The following STK40 variants were observed in gnomAD, a reference collection of about 807,000 sequenced individuals.
The protein encoded by STK40 is serine/threonine kinase 40, also known as serine/threonine-protein kinase 40.
STK40 carries 13 observed loss-of-function variants against 47.9 expected under a neutral mutation model. The ratio of observed to expected loss-of-function variants is 0.27; its 90% CI spans 0.18 to 0.43. The LOEUF (loss-of-function observed/expected upper bound fraction) is 0.43, where lower values mean the gene tolerates loss of function less well. Ranked by LOEUF, STK40 falls within the 20% of genes least tolerant of loss-of-function variation. STK40 has a pLI of 1.00. For synonymous variants in STK40, 225 were observed against 243.2 expected (o/e 0.93, Z 0.69); for missense variants, 460 against 595.1 (o/e 0.77, Z 2.36).
chr1:36,383,582 GTCC>G (rs1647059163), intron 1 of STK40, among the ~76,000 whole-genome samples: 2 of 152,196 alleles, frequency 1.3e-5, no homozygotes, highest in Non-Finnish European at 2.9e-5. Context: ...AGTCGCTCCT[GTCC>G]TCCTCCTTCC....
intron 2 of STK40, among the ~76,000 whole-genome samples, chr1:36,360,040 T>G (rs1041146521): frequency 6.6e-6 from 1 of 152,164 alleles, no homozygotes. Flanking sequence ...TCATCTCACG[T>G]CATCGTGGAA....
intron 1 of STK40, among the ~76,000 whole-genome samples, chr1:36,371,218 T>C (rs572980785): frequency 3.4e-5 from 5 of 147,692 alleles, no homozygotes; most frequent in Non-Finnish European, 7.5e-5. Context: ...TAATACCTAA[T>C]GCAACGGAAA....
intron 6 of STK40, among the ~76,000 whole-genome samples, chr1:36,353,901 G>A (rs1042651695): frequency 1.3e-5 from 2 of 152,098 alleles, no homozygotes; most frequent in African/African-American, 2.4e-5. Context: ...CATTTTGCTC[G>A]TTCCTTCACC....
At chr1:36,345,991 A>ATATATATATATATATATATATTTTTTTT in intron 7 of STK40, among the ~76,000 whole-genome samples, 1 of 26,468 alleles carries the variant, frequency 3.8e-5, no homozygotes, top group African/African-American at 1.4e-4. Flanking sequence ...ATATATATAT[A>ATATATATATATATATATATATTTTTTTT]TTTTTTTTTT....
At chr1:36,361,699 G>C (rs1236701556) in intron 1 of STK40, among the ~76,000 whole-genome samples, 5 of 152,034 alleles carry the variant, frequency 3.3e-5, no homozygotes, top group Non-Finnish European at 7.4e-5. Context: ...AGACAGAGAG[G>C]AGAGCCAGCC....
rs774219320 is a variant in STK40, at chr1:36,344,257, C to T, written c.747G>A (p.Pro249=). 8 of 1,602,878 alleles carry T rather than the reference C, an allele frequency of 5.0e-6. No individual in the cohort carries two copies. The highest frequency in any genetic ancestry group is 3.4e-5 in the South Asian group (3 of 89,486). ...YISPDVLSGR[P]YRGKPSDMWA... is the part of the protein sequence containing the mutation. ...ACATGTCACTGGGCTTGCCACGGTA[C>T]GGCCGGCCTACGGGCACACACATAC... The change falls in exon 8 of 11, where the codon CCG becomes CCA. Residue 249 remains proline (P), a synonymous_variant. Coordinates refer to ENST00000373132, the MANE Select transcript of STK40 (RefSeq NM_001282547.2).
chr1:36,361,117 G>T, intron 2 of STK40, 104 bp downstream of exon 2: 1 of 1,341,122 alleles, frequency 7.5e-7, no homozygotes, highest in Non-Finnish European at 1.0e-6. Context: ...CACTGCTGTG[G>T]GTGGGCCACC....
intron 1 of STK40, among the ~76,000 whole-genome samples, chr1:36,381,568 A>T (rs1647039698): frequency 6.6e-6 from 1 of 152,054 alleles, no homozygotes; most frequent in Admixed American, 6.5e-5. Context: ...GGGAGTTGGG[A>T]ACTCCCAGGT....
At chr1:36,345,086 C>T (rs1467026462) in intron 7 of STK40, among the ~76,000 whole-genome samples, 1 of 152,234 alleles carries the variant, frequency 6.6e-6, no homozygotes, top group Non-Finnish European at 1.5e-5. Flanking sequence ...GCAATACAGC[C>T]ATTGTCTGAC....
At position 36,361,150 on chromosome 1, in the gene STK40, G is replaced by C. The variant is rs893464777; in HGVS notation, c.112+71C>G. 31 of 1,575,746 alleles carry C rather than the reference G, an allele frequency of 2.0e-5. No individual in the cohort carries two copies. The Middle Eastern group carries it at 6.8e-4, about 35-fold the overall frequency. ...ACCTCACTCTGATGTCTGTAGGTCA[G>C]ATCATGCGAGCCAATGTGCCCTGCC... On this transcript the variant is annotated intron_variant, in intron 2 of 10. Transcript: ENST00000373132.
intron 1 of STK40, among the ~76,000 whole-genome samples, chr1:36,367,087 A>G (rs1472451462): frequency 3.3e-5 from 5 of 151,468 alleles, no homozygotes; most frequent in Admixed American, 3.3e-4. Flanking sequence ...ACCTTAGGTA[A>G]TCCGCCTGCC....
chr1:36,341,542 A>T lies in STK40; in HGVS notation c.*213T>A, dbSNP rs1390585982. ...AGCAGATTAGTTATCTAGGCTTCTCAGATTTAAAAACCAAACAATCGAGCA... is the reference window on the plus strand; with the variant it reads ...AGCAGATTAGTTATCTAGGCTTCTCTGATTTAAAAACCAAACAATCGAGCA... On this transcript the variant is annotated 3_prime_UTR_variant, in exon 11 of 11. Coordinates refer to ENST00000373132, the MANE Select transcript of STK40 (RefSeq NM_001282547.2). The T allele has an allele frequency of 1.2e-5, 7 of 594,310 alleles. No homozygotes were observed. The allele number at this position is 594,310 out of a possible 1,614,324, so 36.8% of individuals were successfully genotyped here.
intron 1 of STK40, among the ~76,000 whole-genome samples, chr1:36,369,145 C>A (rs1490695010): frequency 6.6e-6 from 1 of 152,168 alleles, no homozygotes; most frequent in African/African-American, 2.4e-5. Flanking sequence ...CAACACTGTG[C>A]TATTATCAAA....
chr1:36,350,241 C>T (rs1289311032), intron 6 of STK40, among the ~76,000 whole-genome samples: 1 of 152,208 alleles, frequency 6.6e-6, no homozygotes. Flanking sequence ...TGCAAAGGGT[C>T]ACTTGCACGT....
intron 1 of STK40, among the ~76,000 whole-genome samples, chr1:36,375,133 AGCGCTACTCCC>A (rs1646980566): frequency 6.6e-6 from 1 of 152,206 alleles, no homozygotes; most frequent in Non-Finnish European, 1.5e-5. Flanking sequence ...GGACAGGGAC[AGCGCTACTCCC>A]AAAAAGGGTT....
chr1:36,377,558 G>A (rs1161998761), intron 1 of STK40, among the ~76,000 whole-genome samples: 2 of 134,602 alleles, frequency 1.5e-5, no homozygotes, highest in African/African-American at 6.5e-5. Context: ...AAAAAAAAAA[G>A]TAGTAGTGGA....
rs777376039 is a variant in STK40 at position 36,358,760 on chromosome 1, T to A, written c.175A>T (p.Thr59Ser). ...IVQCLARKDGTDDFYQLKILT... is the reference protein window; with the variant it reads ...IVQCLARKDGSDDFYQLKILT... ...ACCTTCAGCTGATAGAAGTCATCCG[T>A]GCCATCTTTCCTCGCCAAACACTGC... Residue 59 changes from threonine (T) to serine (S), a missense_variant, in exon 3 of 11, where the codon ACG (threonine) becomes TCG (serine). Thr to Ser is a moderately conservative substitution (Grantham distance 58). Coordinates refer to ENST00000373132, the MANE Select transcript of STK40 (RefSeq NM_001282547.2). 6.2e-7 allele frequency: 1 copy of A among 1,614,100 alleles called. No homozygotes were observed. The highest frequency in any genetic ancestry group is 1.3e-5 in the African/African-American group (1 of 74,932).
In STK40 at chr1:36,341,856, G is replaced by C. The variant is rs530029776; in HGVS notation, c.1207C>G (p.Gln403Glu). 13 of 1,613,876 alleles carry C rather than the reference G, an allele frequency of 8.1e-6. No individual in the cohort carries two copies. The Admixed American group carries it at 2.2e-4, about 27-fold the overall frequency. Residue 403 changes from glutamine to glutamate, a missense_variant, in exon 11 of 11, where the codon CAG becomes GAG. Transcript: ENST00000373132. ...CGCACCGGTGGTGCGCTGCCGAACT[G>C]CCGCTTGGGTACCCAGCTCCGGGCG... Reference protein sequence around the residue: ...HDARSWVPKRQFGSAPPVRRL... With the variant: ...HDARSWVPKREFGSAPPVRRL...
At position 36,341,099 on chromosome 1, in the gene STK40, G is replaced by A. The variant is rs1646643014; in HGVS notation, c.*656C>T. 1 of 152,714 alleles carries A rather than the reference G, an allele frequency of 6.5e-6. No homozygotes were observed. Among genetic ancestry groups the A allele is most frequent in the Admixed American group, 6.5e-5 (1 of 15,298 alleles). The allele number at this position is 152,714 out of a possible 1,614,324, so 9.5% of individuals were successfully genotyped here. A position where few individuals can be genotyped will look rare whatever the true frequency, so the allele number is the denominator to read the frequency against. On this transcript the variant is annotated 3_prime_UTR_variant, in exon 11 of 11. Coordinates refer to ENST00000373132, the MANE Select transcript of STK40 (RefSeq NM_001282547.2). Reference sequence around the variant, plus strand: ...CTGGGGGTGAGGAGGGAGCTCACGTGTGGGCTGTGGATTCCTTGCTGTCCA... The same window carrying A: ...CTGGGGGTGAGGAGGGAGCTCACGTATGGGCTGTGGATTCCTTGCTGTCCA...
Sources: allele counts gnomAD v4.1 joint callset (sites outside exome capture counted in the v4.1 genomes callset), GRCh38; gene constraint gnomAD v4.1.1; transcripts MANE v1.5; gene names NCBI Gene and HGNC (gene_info 2026-07-23, HGNC 2026-07-21).